NOS1AP: variants seen among roughly 807,000 people sequenced by gnomAD.
NOS1AP encodes the protein carboxyl-terminal PDZ ligand of neuronal nitric oxide synthase protein.
A neutral mutation model predicts 56.2 loss-of-function variants in NOS1AP; 21 were observed. That is an observed-to-expected ratio of 0.37 (90% CI 0.26 to 0.54). The LOEUF (loss-of-function observed/expected upper bound fraction) is 0.54. Among genes scored for constraint, NOS1AP ranks in the 20% least tolerant of loss-of-function variants. The pLI is 0.84. For missense variants in NOS1AP, 522 were observed against 657.8 expected (o/e 0.79, Z 2.26); for synonymous variants, 270 against 274.6 (o/e 0.98, Z 0.17).
At chr1:162,163,841 C>T (rs934765422) in intron 2 of NOS1AP, among the ~76,000 whole-genome samples, 2 of 152,138 alleles carry the variant, frequency 1.3e-5, no homozygotes, top group Admixed American at 6.5e-5. Flanking sequence ...CTACTGAATA[C>T]ATAATGAAAA....
intron 1 of NOS1AP, among the ~76,000 whole-genome samples, chr1:162,116,069 C>T (rs148731274): frequency 3.5e-4 from 53 of 152,282 alleles, no homozygotes; most frequent in African/African-American, 1.2e-3. Context: ...CTGGGTGTGT[C>T]ATCCTCCTTT....
intron 1 of NOS1AP, among the ~76,000 whole-genome samples, chr1:162,076,628 G>A (rs1009083596): frequency 6.6e-6 from 1 of 152,204 alleles, no homozygotes; most frequent in Non-Finnish European, 1.5e-5. Context: ...CATTTTGGGA[G>A]GCCAAGGCGG....
At chr1:162,181,055 A>T (rs762476305) in intron 2 of NOS1AP, among the ~76,000 whole-genome samples, 3 of 152,252 alleles carry the variant, frequency 2.0e-5, no homozygotes, top group Non-Finnish European at 2.9e-5. Flanking sequence ...ATGCAAATGT[A>T]TTTCAAAGTG....
chr1:162,338,931 C>T (rs1396225), intron 5 of NOS1AP, among the ~76,000 whole-genome samples: 44,742 of 152,088 alleles, frequency 0.29, 8,126 homozygotes, highest in Non-Finnish European at 0.42. Context: ...AAGTTGATAC[C>T]CACATTAGGT....
At chr1:162,311,019 C>CT (rs1411678803) in intron 4 of NOS1AP, among the ~76,000 whole-genome samples, 1 of 152,078 alleles carries the variant, frequency 6.6e-6, no homozygotes, top group East Asian at 1.9e-4. Flanking sequence ...CTCTCCTTTC[C>CT]TTTTTTTAAC....
chr1:162,108,223 A>T (rs1228208257), intron 1 of NOS1AP, among the ~76,000 whole-genome samples: 1 of 152,218 alleles, frequency 6.6e-6, no homozygotes, highest in African/African-American at 2.4e-5. Context: ...TGCCTGGTTC[A>T]TCTTTTTACA....
intron 3 of NOS1AP, among the ~76,000 whole-genome samples, chr1:162,293,440 T>A (rs1655340608): frequency 6.6e-6 from 1 of 152,234 alleles, no homozygotes; most frequent in Non-Finnish European, 1.5e-5. Flanking sequence ...AAAGGACCAC[T>A]GTGATAATTA....
chr1:162,274,241 T>C lies in NOS1AP; in HGVS notation c.178-13103T>C, dbSNP rs564458205. On this transcript the variant is annotated intron_variant, in intron 2 of 9. Coordinates refer to ENST00000361897, the MANE Select transcript of NOS1AP (RefSeq NM_014697.3). Reference sequence around the variant, plus strand: ...GTTTGGCGTCTGTTGTGCTGGACCCTGTTGACTTCAGTAGGGATGGCACCA... The same window carrying C: ...GTTTGGCGTCTGTTGTGCTGGACCCCGTTGACTTCAGTAGGGATGGCACCA... Among the ~76,000 whole-genome samples the C allele has an allele frequency of 7.9e-5, 12 of 152,292 alleles. 1 individual carries two copies. Among genetic ancestry groups the C allele is most frequent in the African/African-American group, 2.9e-4 (12 of 41,574 alleles).
intron 4 of NOS1AP, among the ~76,000 whole-genome samples, chr1:162,300,927 G>A (rs1441314905): frequency 6.6e-6 from 1 of 152,040 alleles, no homozygotes; most frequent in Non-Finnish European, 1.5e-5. Context: ...AAGTATATCT[G>A]CTTGATGTTT....
At chr1:162,098,251 C>T (rs1370309331) in intron 1 of NOS1AP, among the ~76,000 whole-genome samples, 1 of 132,592 alleles carries the variant, frequency 7.5e-6, no homozygotes. Context: ...GGACCACAGG[C>T]GTGCACCACC....
At chr1:162,085,679 C>A (rs1691986503) in intron 1 of NOS1AP, among the ~76,000 whole-genome samples, 1 of 152,146 alleles carries the variant, frequency 6.6e-6, no homozygotes, top group African/African-American at 2.4e-5. Flanking sequence ...CTATAGGAAG[C>A]ATTTATTGTG....
At chr1:162,344,029 G>C (rs991981350) in intron 6 of NOS1AP, 53 bp downstream of exon 6, 11 of 1,603,310 alleles carry the variant, frequency 6.9e-6, no homozygotes, top group Non-Finnish European at 9.4e-6. Flanking sequence ...CACACAGTAG[G>C]CTCTGGTGGA....
At chr1:162,225,549 A>G (rs534242363) in intron 2 of NOS1AP, among the ~76,000 whole-genome samples, 1 of 152,316 alleles carries the variant, frequency 6.6e-6, no homozygotes, top group East Asian at 1.9e-4. Context: ...AATATTATAA[A>G]TTAAGTTATG....
chr1:162,249,798 A>G (rs1653791078), intron 2 of NOS1AP, among the ~76,000 whole-genome samples: 1 of 152,194 alleles, frequency 6.6e-6, no homozygotes, highest in Non-Finnish European at 1.5e-5. Flanking sequence ...ATGAGTGTAA[A>G]CATTCAACCA....
chr1:162,083,532 T>C (rs1691937896), intron 1 of NOS1AP, among the ~76,000 whole-genome samples: 1 of 152,182 alleles, frequency 6.6e-6, no homozygotes, highest in South Asian at 2.1e-4. Flanking sequence ...TGAGCCACTG[T>C]GCCTGGCCTC....
intron 1 of NOS1AP, among the ~76,000 whole-genome samples, chr1:162,120,564 G>A (rs1648169801): frequency 6.6e-6 from 1 of 152,236 alleles, no homozygotes; most frequent in African/African-American, 2.4e-5. Flanking sequence ...GAAGACGAAA[G>A]TCATGTCTTA....
At chr1:162,138,783 GTGTGCCAGGGGT>G (rs1649109424) in intron 1 of NOS1AP, among the ~76,000 whole-genome samples, 3 of 152,186 alleles carry the variant, frequency 2.0e-5, no homozygotes, top group Non-Finnish European at 2.9e-5. Context: ...GGCACCCCTA[GTGTGCCAGGGGT>G]GTTTTACTGT....
At chr1:162,264,402 C>G (rs1557855158) in intron 2 of NOS1AP, among the ~76,000 whole-genome samples, 1 of 44,876 alleles carries the variant, frequency 2.2e-5, no homozygotes, top group Non-Finnish European at 4.6e-5. Context: ...TTTGCCCTCT[C>G]CTCTTCTCTT....
chr1:162,111,328 G>A (rs368581710), intron 1 of NOS1AP, among the ~76,000 whole-genome samples: 72 of 152,324 alleles, frequency 4.7e-4, no homozygotes, highest in African/African-American at 1.7e-3. Context: ...AAAGCCATTG[G>A]AGAGGCAGTG....
Sources: gnomAD v4.1 joint callset for allele counts (sites outside exome capture counted in the v4.1 genomes callset) on GRCh38, gnomAD v4.1.1 for gene constraint, MANE v1.5 for transcripts, NCBI Gene and HGNC (gene_info 2026-07-23, HGNC 2026-07-21) for gene names.